GALNT17: variants seen among roughly 807,000 people sequenced by gnomAD.
GALNT17 encodes the protein polypeptide N-acetylgalactosaminyltransferase 17.
In GALNT17, 29 loss-of-function variants were observed where a neutral mutation model predicts 63.7. That is an observed-to-expected ratio of 0.46 (90% CI 0.34 to 0.62). GALNT17 has a LOEUF of 0.62. Ranked by LOEUF, GALNT17 falls within the 20% of genes least tolerant of loss-of-function variation. GALNT17 has a pLI of 0.01. For missense variants in GALNT17, 603 were observed against 799.6 expected (o/e 0.75, Z 2.97); for synonymous variants, 305 against 318.3 (o/e 0.96, Z 0.45).
intron 6 of GALNT17, among the ~76,000 whole-genome samples, chr7:71,621,967 C>T (rs1026174533): frequency 1.3e-5 from 2 of 152,200 alleles, no homozygotes; most frequent in African/African-American, 4.8e-5. Flanking sequence ...GATATCTTGG[C>T]AGCTGCTTGA....
At chr7:71,374,570 G>T (rs78841409) in intron 2 of GALNT17, among the ~76,000 whole-genome samples, 6,688 of 152,240 alleles carry the variant, frequency 0.044, 513 homozygotes, top group African/African-American at 0.15. Context: ...GATCCGAGGG[G>T]TAGAGAAAAC....
chr7:71,711,334 A>G (rs1056343816), intron 10 of GALNT17, among the ~76,000 whole-genome samples: 6 of 151,034 alleles, frequency 4.0e-5, no homozygotes, highest in Non-Finnish European at 7.4e-5. Flanking sequence ...AGATACTCCA[A>G]CTGGGTGAAG....
intron 1 of GALNT17, among the ~76,000 whole-genome samples, chr7:71,175,554 A>C (rs1788622946): frequency 6.6e-6 from 1 of 151,390 alleles, no homozygotes; most frequent in African/African-American, 2.5e-5. Context: ...GATGAAATAA[A>C]GAAGGAAGGG....
At chr7:71,576,076 C>G (rs1789532769) in intron 6 of GALNT17, among the ~76,000 whole-genome samples, 1 of 152,090 alleles carries the variant, frequency 6.6e-6, no homozygotes, top group Admixed American at 6.5e-5. Context: ...AGATAGGTTA[C>G]TTTAAAATGA....
At chr7:71,659,817 T>C (rs1790880256) in intron 6 of GALNT17, among the ~76,000 whole-genome samples, 1 of 152,236 alleles carries the variant, frequency 6.6e-6, no homozygotes, top group South Asian at 2.1e-4. Context: ...ATTGCAACTG[T>C]GCTGGCTGCC....
At chr7:71,391,635 A>G (rs558594767) in intron 3 of GALNT17, among the ~76,000 whole-genome samples, 46 of 152,166 alleles carry the variant, frequency 3.0e-4, no homozygotes, top group Non-Finnish European at 6.0e-4. Context: ...GGCATGTGCC[A>G]TCATGCCTAG....
intron 6 of GALNT17, among the ~76,000 whole-genome samples, chr7:71,581,264 A>G: frequency 6.6e-6 from 1 of 152,140 alleles, no homozygotes; most frequent in East Asian, 1.9e-4. Context: ...GGCTCAAGTG[A>G]TTCTCATGCC....
At chr7:71,188,605 G>C (rs1330382493) in intron 1 of GALNT17, among the ~76,000 whole-genome samples, 2 of 152,060 alleles carry the variant, frequency 1.3e-5, no homozygotes, top group East Asian at 3.9e-4. Flanking sequence ...TAATTTGTTT[G>C]AGTTCATTGT....
chr7:71,707,716 A>G (rs1013583787), intron 9 of GALNT17, among the ~76,000 whole-genome samples: 19 of 152,174 alleles, frequency 1.2e-4, no homozygotes, highest in Admixed American at 1.2e-3. Flanking sequence ...ACTGGTGGTT[A>G]ACTAGCAATT....
intron 8 of GALNT17, among the ~76,000 whole-genome samples, chr7:71,671,193 T>C (rs1030694263): frequency 6.6e-5 from 10 of 152,106 alleles, no homozygotes; most frequent in Non-Finnish European, 1.0e-4. Context: ...GAAACACTCA[T>C]GCATCCACCT....
At chr7:71,637,762 G>A (rs1790548500) in intron 6 of GALNT17, among the ~76,000 whole-genome samples, 1 of 152,286 alleles carries the variant, frequency 6.6e-6, no homozygotes, top group East Asian at 1.9e-4. Context: ...CAGCCAGCAT[G>A]TCAGACCATC....
intron 2 of GALNT17, among the ~76,000 whole-genome samples, chr7:71,376,970 C>T (rs1202727799): frequency 6.7e-6 from 1 of 150,372 alleles, no homozygotes; most frequent in Non-Finnish European, 1.5e-5. Context: ...CCTGTAATCT[C>T]AGCCATTCTG....
At chr7:71,142,502 A>G (rs1016411909) in intron 1 of GALNT17, among the ~76,000 whole-genome samples, 2 of 152,232 alleles carry the variant, frequency 1.3e-5, no homozygotes, top group African/African-American at 2.4e-5. Flanking sequence ...GGTCATTCAT[A>G]TCCGTTAGTG....
At chr7:71,424,329 G>C (rs1786720255) in intron 5 of GALNT17, among the ~76,000 whole-genome samples, 1 of 152,162 alleles carries the variant, frequency 6.6e-6, no homozygotes, top group Admixed American at 6.6e-5. Flanking sequence ...ACTGATACAC[G>C]GGAGACTGGC....
chr7:71,440,831 A>G (rs572321370), intron 5 of GALNT17, among the ~76,000 whole-genome samples: 2 of 152,222 alleles, frequency 1.3e-5, no homozygotes, highest in Middle Eastern at 3.4e-3. Flanking sequence ...CTCCAGTAGC[A>G]CTTGCTGGAG....
intron 5 of GALNT17, among the ~76,000 whole-genome samples, chr7:71,570,346 C>T (rs1789418836): frequency 6.6e-6 from 1 of 152,144 alleles, no homozygotes. Flanking sequence ...TGTTTCCTCC[C>T]TGAGTCTTCT....
chr7:71,377,107 TAAA>T (rs1237223835), intron 2 of GALNT17, among the ~76,000 whole-genome samples: 34 of 57,728 alleles, frequency 5.9e-4, no homozygotes, highest in Admixed American at 1.5e-3. Flanking sequence ...AAAATAAAAA[TAAA>T]AAAAATATAT....
intron 3 of GALNT17, among the ~76,000 whole-genome samples, chr7:71,398,622 G>C (rs1186923720): frequency 6.6e-6 from 1 of 152,108 alleles, no homozygotes; most frequent in East Asian, 1.9e-4. Flanking sequence ...TAGATATCTG[G>C]TGAGTCTTTT....
intron 1 of GALNT17, among the ~76,000 whole-genome samples, chr7:71,137,244 A>G (rs1347402593): frequency 6.2e-5 from 9 of 144,954 alleles, no homozygotes; most frequent in Admixed American, 5.8e-4. Flanking sequence ...GGTTCACGCC[A>G]TTCTCCTGCC....
Sources: gnomAD v4.1 joint callset for allele counts (sites outside exome capture counted in the v4.1 genomes callset) on GRCh38, gnomAD v4.1.1 for gene constraint, MANE v1.5 for transcripts, NCBI Gene and HGNC (gene_info 2026-07-23, HGNC 2026-07-21) for gene names.